Variants in ASCC3 observed in about 807,000 individuals in gnomAD.
The protein encoded by ASCC3 is ASC-1 complex subunit P200.
Under a neutral mutation model 256.3 loss-of-function variants are expected in ASCC3, and 158 were observed. That is an observed-to-expected ratio of 0.62 (90% CI 0.54 to 0.70). The LOEUF (loss-of-function observed/expected upper bound fraction) is 0.70. ASCC3 is among the 30% of genes least tolerant of loss of function. The pLI, the probability that ASCC3 is intolerant of heterozygous loss-of-function variation, is 0.00. For synonymous variants in ASCC3, 948 were observed against 883.4 expected, an observed-to-expected ratio of 1.07 and a Z score of -1.30; for missense variants, 2,259 against 2,626.0, an observed-to-expected ratio of 0.86 and a Z score of 3.05.
At chr6:100,835,654 T>C (rs575518008) in intron 4 of ASCC3, among the ~76,000 whole-genome samples, 2 of 152,286 alleles carry the variant, frequency 1.3e-5, no homozygotes, top group East Asian at 3.9e-4. Flanking sequence ...GCCAGTACCA[T>C]GCTCTTTTGA....
At chr6:100,666,616 A>T (rs1445474990) in intron 14 of ASCC3, among the ~76,000 whole-genome samples, 1 of 152,142 alleles carries the variant, frequency 6.6e-6, no homozygotes, top group Non-Finnish European at 1.5e-5. Flanking sequence ...GGATGTGCAT[A>T]TCTAATCAGC....
chr6:100,681,966 A>C (rs1777331738), intron 13 of ASCC3, among the ~76,000 whole-genome samples: 1 of 152,102 alleles, frequency 6.6e-6, no homozygotes, highest in African/African-American at 2.4e-5. Context: ...ACTGATAAAC[A>C]CTATTTAATG....
intron 1 of ASCC3, among the ~76,000 whole-genome samples, chr6:100,880,074 T>C (rs1463401424): frequency 2.0e-5 from 3 of 152,168 alleles, no homozygotes; most frequent in Non-Finnish European, 4.4e-5. Flanking sequence ...GACAAAAAAC[T>C]GTTAAGCAGG....
intron 1 of ASCC3, among the ~76,000 whole-genome samples, chr6:100,872,178 C>T (rs1773774743): frequency 6.6e-6 from 1 of 152,130 alleles, no homozygotes; most frequent in Non-Finnish European, 1.5e-5. Context: ...AATACTGTGC[C>T]TCTGGCATGG....
chr6:100,717,955 G>C (rs1779161750), intron 12 of ASCC3, 120 bp downstream of exon 12: 4 of 834,364 alleles, frequency 4.8e-6, no homozygotes, highest in Non-Finnish European at 7.6e-6. Context: ...TCTGCAAAAG[G>C]CCATTTCAGT....
chr6:100,782,411 T>G (rs1562293381), intron 8 of ASCC3, among the ~76,000 whole-genome samples: 1 of 152,206 alleles, frequency 6.6e-6, no homozygotes, highest in Non-Finnish European at 1.5e-5. Context: ...TGAAATCCAA[T>G]GCCACAAATA....
At chr6:100,625,685 T>C (rs1256760112) in intron 29 of ASCC3, among the ~76,000 whole-genome samples, 1 of 152,118 alleles carries the variant, frequency 6.6e-6, no homozygotes, top group Non-Finnish European at 1.5e-5. Context: ...TGTACTAAGT[T>C]GTGTTTCTCA....
intron 36 of ASCC3, among the ~76,000 whole-genome samples, chr6:100,566,426 A>G (rs1770254085): frequency 6.6e-6 from 1 of 152,136 alleles, no homozygotes; most frequent in Non-Finnish European, 1.5e-5. Flanking sequence ...GGCCACCTCA[A>G]TGTATTAACG....
At chr6:100,563,930 C>T (rs1181983590) in intron 36 of ASCC3, among the ~76,000 whole-genome samples, 1 of 151,662 alleles carries the variant, frequency 6.6e-6, no homozygotes, top group Non-Finnish European at 1.5e-5. Context: ...TTTATTTAAT[C>T]CTCCCCTTTG....
chr6:100,585,428 C>T (rs1167644534), intron 36 of ASCC3, among the ~76,000 whole-genome samples: 1 of 152,216 alleles, frequency 6.6e-6, no homozygotes, highest in Non-Finnish European at 1.5e-5. Flanking sequence ...CTTTCAGCTC[C>T]ATCAGCTCCT....
intron 13 of ASCC3, among the ~76,000 whole-genome samples, chr6:100,711,450 G>C (rs1257942207): frequency 1.3e-5 from 2 of 152,138 alleles, no homozygotes; most frequent in African/African-American, 4.8e-5. Flanking sequence ...TATAGGGCTG[G>C]GCATGGTGGC....
At chr6:100,715,577 T>C (rs1257630542) in intron 12 of ASCC3, 44 bp from the exon 13 acceptor site, 4 of 1,532,578 alleles carry the variant, frequency 2.6e-6, no homozygotes, top group Non-Finnish European at 3.6e-6. Flanking sequence ...GAAACAATTA[T>C]AAACTTTCTA....
At chr6:100,665,565 A>AAAAC (rs1378345695) in intron 14 of ASCC3, among the ~76,000 whole-genome samples, 1 of 150,974 alleles carries the variant, frequency 6.6e-6, no homozygotes, top group Non-Finnish European at 1.5e-5. Flanking sequence ...TCTACTAACA[A>AAAAC]AAACAAACAA....
chr6:100,639,958 T>C (rs1404029436), intron 24 of ASCC3, among the ~76,000 whole-genome samples: 1 of 151,846 alleles, frequency 6.6e-6, no homozygotes, highest in African/African-American at 2.4e-5. Flanking sequence ...CTACTAAAAA[T>C]ACAAAAATTA....
intron 30 of ASCC3, among the ~76,000 whole-genome samples, chr6:100,616,992 CGTT>C (rs141000454): frequency 2.4e-3 from 365 of 151,172 alleles, no homozygotes; most frequent in African/African-American, 5.1e-3. Context: ...TTGTTGTTGT[CGTT>C]GTTGTTGTTG....
chr6:100,829,572 C>T (rs1027116384), intron 4 of ASCC3, among the ~76,000 whole-genome samples: 24 of 152,176 alleles, frequency 1.6e-4, no homozygotes, highest in African/African-American at 5.5e-4. Context: ...CGGCGCCTCT[C>T]CCTCCACACC....
chr6:100,840,488 CTTTTTTTTTTTT>C (rs67554743), intron 4 of ASCC3, among the ~76,000 whole-genome samples: 20 of 109,172 alleles, frequency 1.8e-4, no homozygotes, highest in Non-Finnish European at 1.5e-4. Context: ...CCACGCCAGG[CTTTTTTTTTTTT>C]TTTTTTTTTG....
chr6:100,569,936 T>G (rs1770500319), intron 36 of ASCC3, among the ~76,000 whole-genome samples: 1 of 152,204 alleles, frequency 6.6e-6, no homozygotes, highest in African/African-American at 2.4e-5. Flanking sequence ...TTTCCATTTG[T>G]TTGTGTTATC....
At chr6:100,545,930 A>C (rs1775700047) in intron 36 of ASCC3, among the ~76,000 whole-genome samples, 1 of 152,146 alleles carries the variant, frequency 6.6e-6, no homozygotes, top group Non-Finnish European at 1.5e-5. Flanking sequence ...TAGCCAGTAC[A>C]ATCAGGCAAC....
Sources: allele counts gnomAD v4.1 joint callset (sites outside exome capture counted in the v4.1 genomes callset), GRCh38; gene constraint gnomAD v4.1.1; transcripts MANE v1.5; gene names NCBI Gene and HGNC (gene_info 2026-07-23, HGNC 2026-07-21).